KMT2A: variants seen among roughly 807,000 people sequenced by gnomAD.
KMT2A encodes the protein histone-lysine N-methyltransferase 2A.
A neutral mutation model predicts 345.3 loss-of-function variants in KMT2A; 16 were observed. The observed-to-expected ratio is 0.05, with a 90% CI of 0.03 to 0.07. KMT2A has a LOEUF of 0.07. KMT2A is among the 10% of genes least tolerant of loss of function. The pLI, the probability that KMT2A is intolerant of heterozygous loss-of-function variation, is 1.00. For missense variants in KMT2A, 3,272 were observed against 4,841.6 expected (o/e 0.68, Z 9.62); for synonymous variants, 1,599 against 1,778.6 (o/e 0.90, Z 2.54).
chr11:118,515,682 C>CTTTT lies in KMT2A; in HGVS notation c.11146+3676_11146+3679dup, dbSNP rs11374365. Among the ~76,000 whole-genome samples, 247 of 97,460 alleles carry CTTTT rather than the reference C, an allele frequency of 2.5e-3. 2 individuals carry two copies. Among genetic ancestry groups the CTTTT allele is most frequent in the African/African-American group, 3.7e-3 (90 of 24,116 alleles). The allele number at this position is 97,460 out of a possible 152,430, so 63.9% of individuals were successfully genotyped here. On this transcript the variant is annotated intron_variant, in intron 31 of 35. Transcript: ENST00000534358. ...TACCATGTCCATTTCTTTTTCTGTC[C>CTTTT]TTTTTTTTTTTTTTTTTTTTTTGAG...
Position 118,467,889 on chromosome 11 carries a change from T to C in KMT2A, c.433-886T>C, listed in dbSNP as rs535531404. On this transcript the variant is annotated intron_variant, in intron 1 of 35. Transcript: ENST00000534358. ...TTTGTTTCTGGAATCTGAAATTCTA[T>C]CATTCTGTGTCTGTCTCTGGAAAGA... Among the ~76,000 whole-genome samples the C allele has an allele frequency of 3.3e-5, 5 of 152,342 alleles. No homozygotes were observed. The South Asian group carries it at 1.0e-3, about 32-fold the overall frequency.
At chr11:118,454,924 G>A (rs1227530643) in intron 1 of KMT2A, among the ~76,000 whole-genome samples, 3 of 151,494 alleles carry the variant, frequency 2.0e-5, no homozygotes, top group Non-Finnish European at 2.9e-5. Flanking sequence ...TCCAGTCTTC[G>A]GTAAACTATT....
intron 10 of KMT2A, among the ~76,000 whole-genome samples, chr11:118,485,185 ATC>A (rs1950207669): frequency 6.6e-6 from 1 of 152,204 alleles, no homozygotes; most frequent in African/African-American, 2.4e-5. Flanking sequence ...CAATAATCCC[ATC>A]TCTCTTAAAT....
Position 118,482,012 on chromosome 11 carries a change from C to T in KMT2A, c.3932C>T (p.Thr1311Ile). 6.2e-7 allele frequency: 1 copy of T among 1,614,178 alleles called. No homozygotes were observed. The highest frequency in any genetic ancestry group is 2.2e-5 in the East Asian group (1 of 44,888). The change falls in exon 7 of 36, where the codon ACT becomes ATT. Residue 1311 changes from threonine to isoleucine, a missense_variant. By Grantham distance (89) the Thr-to-Ile change is moderately conservative. This residue lies in a region of KMT2A where 168 missense variants were observed against 216.0 expected (regional missense o/e 0.78). Transcript: ENST00000534358. ...CTGGTCATCCCGCCTCAGCCACCTA[C>T]TACAGGACCGCCAAGAAAAGAAGTT... ...PALVIPPQPPTTGPPRKEVPK... is the reference protein window; with the variant it reads ...PALVIPPQPPITGPPRKEVPK...
At position 118,472,905 on chromosome 11, in the gene KMT2A, A is replaced by G; in HGVS notation, c.1746A>G (p.Thr582=). The change falls in exon 3 of 36, where the codon ACA becomes ACG. Residue 582 remains threonine (T), a synonymous_variant. Coordinates refer to ENST00000534358, the MANE Select transcript of KMT2A (RefSeq NM_001197104.2). The part of the protein sequence containing the change: ...LQPASSISDH[T]PWLMPPTIPL... ...CAGCCTCCAGTATCTCTGACCACACACCTTGGCTTATGCCTCCAACAATCC... is the reference window on the plus strand; with the variant it reads ...CAGCCTCCAGTATCTCTGACCACACGCCTTGGCTTATGCCTCCAACAATCC... 6.2e-7 allele frequency: 1 copy of G among 1,613,744 alleles called. No homozygotes were observed. The highest frequency in any genetic ancestry group is 1.6e-4 in the Middle Eastern group (1 of 6,062).
Position 118,517,408 on chromosome 11 carries a change from A to AG in KMT2A, c.11147-2210_11147-2209insG, listed in dbSNP as rs1242019852. Among the ~76,000 whole-genome samples the AG allele has an allele frequency of 4.7e-4, 72 of 151,646 alleles. 1 individual carries two copies. The highest frequency in any genetic ancestry group is 2.6e-3 in the Admixed American group (40 of 15,218). ...GAGACTCTGTCTCAAAAAAAAAAAA[A>AG]AAAAGAAAAGAAAAGAAAAAAGAGT... is the stretch of plus-strand genomic sequence containing the variant. On this transcript the variant is annotated intron_variant, in intron 31 of 35. Coordinates refer to ENST00000534358, the MANE Select transcript of KMT2A (RefSeq NM_001197104.2).
intron 23 of KMT2A, 53 bp downstream of exon 23, chr11:118,499,473 T>C: frequency 8.5e-7 from 1 of 1,170,040 alleles, no homozygotes; most frequent in South Asian, 1.2e-5. Context: ...TTGGGGAAAT[T>C]TCTGGTCCTC....
chr11:118,488,393 G>A (rs1261844848), intron 10 of KMT2A: 7 of 564,148 alleles, frequency 1.2e-5, no homozygotes, highest in South Asian at 7.3e-5. Flanking sequence ...TATTTATTTT[G>A]TTACTTTCTA....
chr11:118,436,925 G>T lies in KMT2A; in HGVS notation c.413G>T (p.Gly138Val), dbSNP rs1226406257. The T allele has an allele frequency of 6.5e-7, 1 of 1,549,458 alleles. No homozygotes were observed. The highest frequency in any genetic ancestry group is 2.4e-5 in the East Asian group (1 of 40,998). ...CGGGCCGTGTTTGGGGAGAGCGGCGGGGGAGGCGGCAGCGGAGAGGTAAGG... is the reference window on the plus strand; with the variant it reads ...CGGGCCGTGTTTGGGGAGAGCGGCGTGGGAGGCGGCAGCGGAGAGGTAAGG... The part of the protein sequence containing the change: ...RFRAVFGESG[G>V]GGGSGEDEQF... The change falls in exon 1 of 36, where the codon GGG becomes GTG. Residue 138 changes from glycine (G) to valine (V), a missense_variant. Physicochemically the swap from Gly to Val is moderately radical, Grantham distance 109. Coordinates refer to ENST00000534358, the MANE Select transcript of KMT2A (RefSeq NM_001197104.2). The surrounding 1 kb of genome is among the most constrained non-coding windows in gnomAD (Gnocchi z 6.9).
chr11:118,507,508 A>T, intron 27 of KMT2A, 21 bp from the exon 28 acceptor site: 3 of 1,609,908 alleles, frequency 1.9e-6, no homozygotes, highest in Non-Finnish European at 2.6e-6. Context: ...TCTTGAAAAG[A>T]TACAAATGCC....
At chr11:118,477,199 G>A (rs1555037756) in intron 4 of KMT2A, among the ~76,000 whole-genome samples, 2 of 152,140 alleles carry the variant, frequency 1.3e-5, no homozygotes, top group African/African-American at 4.8e-5. Flanking sequence ...AGACTGTGTT[G>A]CCCATCTCAC....
intron 1 of KMT2A, among the ~76,000 whole-genome samples, chr11:118,446,229 A>T (rs1251440126): frequency 1.3e-5 from 2 of 151,226 alleles, no homozygotes; most frequent in South Asian, 4.2e-4. Context: ...CACACCTGCA[A>T]TCCCAGCTAC....
At chr11:118,481,001 G>A (rs977078043) in intron 6 of KMT2A, among the ~76,000 whole-genome samples, 1 of 152,138 alleles carries the variant, frequency 6.6e-6, no homozygotes, top group African/African-American at 2.4e-5. Flanking sequence ...GGGTACATGA[G>A]ATATGTTGAT....
chr11:118,469,037 A>T (rs1382021734), intron 2 of KMT2A, among the ~76,000 whole-genome samples, 193 bp downstream of exon 2: 1 of 152,114 alleles, frequency 6.6e-6, no homozygotes, highest in Non-Finnish European at 1.5e-5. Context: ...CATGTGCACA[A>T]TGTGCAAGTT....
Position 118,472,210 on chromosome 11 carries a change from A to G in KMT2A, c.1051A>G (p.Ser351Gly), listed in dbSNP as rs782204033. 1.2e-6 allele frequency: 2 copies of G among 1,613,856 alleles called. No homozygotes were observed. The highest frequency in any genetic ancestry group is 2.2e-5 in the South Asian group (2 of 91,082). ...TKEDKTVVRQ[S>G]PRRIKPVRII... is the part of the protein sequence containing the mutation. ...AGAAGATAAGACAGTTGTCAGACAA[A>G]GCCCTCGAAGGATTAAGCCAGTTAG... Residue 351 changes from serine to glycine, a missense_variant, in exon 3 of 36, where the codon AGC becomes GGC. Ser to Gly is a moderately conservative substitution (Grantham distance 56). Around this residue, in one of 27 missense-constraint regions of KMT2A, gnomAD observed 412 missense variants for 511.0 expected, o/e 0.81. Transcript: ENST00000534358.
chr11:118,482,664 C>A (rs1441456535), intron 8 of KMT2A, among the ~76,000 whole-genome samples, 169 bp downstream of exon 8: 1 of 151,564 alleles, frequency 6.6e-6, no homozygotes, highest in Non-Finnish European at 1.5e-5. Flanking sequence ...AATCCCAACA[C>A]TTAGTGAGGC....
Position 118,436,729 on chromosome 11 carries a change from G to A in KMT2A, c.217G>A (p.Gly73Arg). The change falls in exon 1 of 36, where the codon GGG (glycine) becomes AGG (arginine). Residue 73 changes from glycine (G) to arginine (R), a missense_variant. Gly to Arg is a moderately radical substitution (Grantham distance 125). This residue lies in a region of KMT2A where 412 missense variants were observed against 511.0 expected (regional missense o/e 0.81). Coordinates refer to ENST00000534358, the MANE Select transcript of KMT2A (RefSeq NM_001197104.2). This position sits in a 1 kb window ranked among gnomAD's most constrained non-coding sequence, Gnocchi z 6.9. Reference protein sequence around the residue: ...AAAAAGSSGAGVPGGAAAASA... With the variant: ...AAAAAGSSGARVPGGAAAASA... ...GGCGGCGGCGGGAAGCAGCGGGGCT[G>A]GGGTTCCAGGGGGAGCGGCCGCCGC... The A allele has an allele frequency of 1.3e-6, 2 of 1,527,546 alleles. No individual in the cohort carries two copies. Among genetic ancestry groups the A allele is most frequent in the Non-Finnish European group, 1.8e-6 (2 of 1,134,568 alleles). The allele number at this position is 1,527,546 out of a possible 1,614,324, so 94.6% of individuals were successfully genotyped here. A position where few individuals can be genotyped will look rare whatever the true frequency, so the allele number is the denominator to read the frequency against.
intron 15 of KMT2A, among the ~76,000 whole-genome samples, chr11:118,492,275 G>C (rs527969472): frequency 1.7e-4 from 26 of 152,318 alleles, no homozygotes; most frequent in African/African-American, 5.8e-4. Context: ...GGAGACACCT[G>C]AGCCTAGAGG....
rs1951091652 is a variant in KMT2A, at chr11:118,526,779, T to G, written c.*4607T>G. 4.4e-6 allele frequency: 1 copy of G among 225,354 alleles called. No individual in the cohort carries two copies. The highest frequency in any genetic ancestry group is 2.2e-5 in the African/African-American group (1 of 44,948). The allele number at this position is 225,354 out of a possible 1,614,324, so 14.0% of individuals were successfully genotyped here. A position where few individuals can be genotyped will look rare whatever the true frequency, so the allele number is the denominator to read the frequency against. ...TAAACATGTTTATTTTCTATGCACT[T>G]TTTTTTATTTAAGTGATAGTTTAAT... On this transcript the variant is annotated 3_prime_UTR_variant, in exon 36 of 36. Transcript: ENST00000534358.
Sources: allele counts gnomAD v4.1 joint callset (sites outside exome capture counted in the v4.1 genomes callset), GRCh38; gene constraint gnomAD v4.1.1; regional missense constraint gnomAD v4.1.1; non-coding constraint Gnocchi (gnomAD v3.1); transcripts MANE v1.5; gene names NCBI Gene and HGNC (gene_info 2026-07-23, HGNC 2026-07-21).